Variants in IKZF1 observed in about 807,000 individuals in gnomAD.
IKZF1 encodes the protein IKAROS family zinc finger 1.
IKZF1 carries 10 observed loss-of-function variants against 51.7 expected under a neutral mutation model. The observed-to-expected ratio is 0.19, with a 90% CI of 0.12 to 0.33. The LOEUF is 0.33. Ranked by LOEUF, IKZF1 falls within the 10% of genes least tolerant of loss-of-function variation. The pLI, the probability that IKZF1 is intolerant of heterozygous loss-of-function variation, is 1.00. For synonymous variants in IKZF1, 280 were observed against 282.3 expected, an observed-to-expected ratio of 0.99 and a Z score of 0.08; for missense variants, 484 against 707.5, an observed-to-expected ratio of 0.68 and a Z score of 3.58.
chr7:50,306,370 C>G (rs967980411), intron 1 of IKZF1, among the ~76,000 whole-genome samples: 3 of 152,126 alleles, frequency 2.0e-5, no homozygotes, highest in African/African-American at 7.2e-5. Context: ...TTTTATTGAA[C>G]TAAATGGTCA....
intron 3 of IKZF1, among the ~76,000 whole-genome samples, chr7:50,360,263 T>G (rs974813927): frequency 1.3e-5 from 2 of 151,984 alleles, no homozygotes; most frequent in African/African-American, 2.4e-5. Context: ...GCTGACACCC[T>G]GCCAGCCCTG....
chr7:50,303,799 G>A (rs756808362), upstream of IKZF1, among the ~76,000 whole-genome samples: 1 of 151,312 alleles, frequency 6.6e-6, no homozygotes. This position sits in a 1 kb window ranked among gnomAD's most constrained non-coding sequence, Gnocchi z 4.7. Flanking sequence ...ACCGACCAGC[G>A]GCCCCGGGTG....
At chr7:50,357,714 G>A (rs1271034573) in intron 3 of IKZF1, among the ~76,000 whole-genome samples, 1 of 152,112 alleles carries the variant, frequency 6.6e-6, no homozygotes, top group South Asian at 2.1e-4. Context: ...CTGATGTGTA[G>A]TGTGGGCTAT....
chr7:50,393,302 C>T (rs375227213), intron 7 of IKZF1, among the ~76,000 whole-genome samples: 2 of 151,988 alleles, frequency 1.3e-5, no homozygotes, highest in African/African-American at 2.4e-5. Flanking sequence ...CTGTTTTTGA[C>T]GTGTTGATTT....
chr7:50,308,920 G>C (rs531186173), intron 1 of IKZF1: 2 of 152,478 alleles, frequency 1.3e-5, no homozygotes, highest in African/African-American at 4.8e-5. Flanking sequence ...AGTGCCACAC[G>C]GTTTCTTTGT....
At chr7:50,308,331 G>A (rs915160620) in intron 1 of IKZF1, among the ~76,000 whole-genome samples, 1 of 152,192 alleles carries the variant, frequency 6.6e-6, no homozygotes, top group East Asian at 1.9e-4. Context: ...TTCAGTTGAC[G>A]TTTTTCCCTC....
At chr7:50,385,201 A>G (rs554883526) in intron 5 of IKZF1, among the ~76,000 whole-genome samples, 1 of 152,354 alleles carries the variant, frequency 6.6e-6, no homozygotes, top group African/African-American at 2.4e-5. Context: ...CGAAAATGCT[A>G]TAGAGACACA....
chr7:50,325,066 A>C (rs977832183), intron 2 of IKZF1, among the ~76,000 whole-genome samples: 1 of 152,062 alleles, frequency 6.6e-6, no homozygotes, highest in African/African-American at 2.4e-5. Flanking sequence ...ATGTTTACTC[A>C]TTGGGATAGC....
At chr7:50,391,316 G>A (rs1323423502) in intron 6 of IKZF1, among the ~76,000 whole-genome samples, 1 of 152,222 alleles carries the variant, frequency 6.6e-6, no homozygotes, top group Non-Finnish European at 1.5e-5. Context: ...GGTCCATGAA[G>A]TCAGATGTTA....
chr7:50,382,704 T>C lies in IKZF1; in HGVS notation c.586T>C (p.Ser196Pro). The C allele has an allele frequency of 6.2e-7, 1 of 1,605,714 alleles. No homozygotes were observed. The highest frequency in any genetic ancestry group is 8.5e-7 in the Non-Finnish European group (1 of 1,179,168). The change falls in exon 5 of 8, where the codon TCC (serine) becomes CCC (proline). Residue 196 changes from serine to proline, a missense_variant. Transcript: ENST00000331340. Reference protein sequence around the residue: ...DALTGHLRTHSVGKPHKCGYC... With the variant: ...DALTGHLRTHPVGKPHKCGYC... ...CCTCACTGGCCACCTGAGGACGCACTCCGGTAGGTCCCCTGGATGCAGTCC... is the reference window on the plus strand; with the variant it reads ...CCTCACTGGCCACCTGAGGACGCACCCCGGTAGGTCCCCTGGATGCAGTCC...
chr7:50,394,980 A>G (rs1181850888), intron 7 of IKZF1, among the ~76,000 whole-genome samples: 1 of 152,216 alleles, frequency 6.6e-6, no homozygotes, highest in East Asian at 1.9e-4. Context: ...AAGCACAAAG[A>G]GGAAAACAAC....
intron 3 of IKZF1, among the ~76,000 whole-genome samples, chr7:50,354,089 G>T (rs1744652996): frequency 6.6e-6 from 1 of 152,196 alleles, no homozygotes; most frequent in African/African-American, 2.4e-5. Context: ...AAAAGCCCCA[G>T]GTGTGGTGTC....
chr7:50,389,908 C>G (rs2153494964), intron 6 of IKZF1, among the ~76,000 whole-genome samples: 1 of 152,282 alleles, frequency 6.6e-6, no homozygotes, highest in East Asian at 1.9e-4. Context: ...AGCAAGTAGT[C>G]TCTTCTCCCA....
rs563576678 is a variant in IKZF1 at position 50,376,484 on chromosome 7, T to G, written c.161-49T>G. ...TTTGCTGCTGTGTTGTTTTGTTGAG[T>G]TTTTTTTTTGCAATGACACTGAGTG... is the stretch of plus-strand genomic sequence containing the variant. On this transcript the variant is annotated intron_variant, in intron 3 of 7. Coordinates refer to ENST00000331340, the MANE Select transcript of IKZF1 (RefSeq NM_006060.6). The surrounding 1 kb of genome is among the most constrained non-coding windows in gnomAD (Gnocchi z 4.5). 1 of 1,457,964 alleles carries G rather than the reference T, an allele frequency of 6.9e-7. No homozygotes were observed. The highest frequency in any genetic ancestry group is 1.4e-5 in the African/African-American group (1 of 69,956). 90.3% of individuals were successfully genotyped at this position (1,457,964 alleles called of 1,614,324 possible). A position where few individuals can be genotyped will look rare whatever the true frequency, so the allele number is the denominator to read the frequency against.
At chr7:50,330,344 G>A (rs879416158) in intron 3 of IKZF1, among the ~76,000 whole-genome samples, 9 of 152,206 alleles carry the variant, frequency 5.9e-5, no homozygotes, top group South Asian at 2.1e-4. Context: ...GCCATGTGAC[G>A]TGGGCACTGA....
chr7:50,351,532 A>G (rs1279037415), intron 3 of IKZF1, among the ~76,000 whole-genome samples: 1 of 152,326 alleles, frequency 6.6e-6, no homozygotes, highest in East Asian at 1.9e-4. Context: ...GTTGCAATCA[A>G]ATCAACAATA....
chr7:50,382,856 T>G, intron 5 of IKZF1, 149 bp downstream of exon 5: 3 of 1,028,216 alleles, frequency 2.9e-6, no homozygotes, highest in Non-Finnish European at 4.1e-6. Flanking sequence ...GTTGCTTCTT[T>G]GACATTGCCC....
At chr7:50,303,703 G>A (rs980360949), upstream of IKZF1, among the ~76,000 whole-genome samples, 4 of 152,048 alleles carry the variant, frequency 2.6e-5, no homozygotes, top group Admixed American at 6.5e-5. The surrounding 1 kb of genome is among the most constrained non-coding windows in gnomAD (Gnocchi z 4.7). Flanking sequence ...AGCGTACAGC[G>A]GGCGCTCCCA....
intron 2 of IKZF1, among the ~76,000 whole-genome samples, chr7:50,320,593 C>A (rs566768364): frequency 2.0e-5 from 3 of 152,198 alleles, no homozygotes; most frequent in Non-Finnish European, 4.4e-5. Context: ...CTCCCCCGAC[C>A]TTTCCAGCCT....
Sources: allele counts gnomAD v4.1 joint callset (sites outside exome capture counted in the v4.1 genomes callset), GRCh38; gene constraint gnomAD v4.1.1; non-coding constraint Gnocchi (gnomAD v3.1); transcripts MANE v1.5; gene names NCBI Gene and HGNC (gene_info 2026-07-23, HGNC 2026-07-21).